RMP64: variants seen among roughly 807,000 people sequenced by gnomAD.
RMP64 encodes ribonuclease MRP subunit p64.
the RMP64 span, among the ~76,000 whole-genome samples, chr3:113,017,793 A>G: frequency 6.6e-6 from 1 of 152,250 alleles, no homozygotes; most frequent in Non-Finnish European, 1.5e-5. Flanking sequence ...CAGATGATAT[A>G]AAGTCCAGGA....
the RMP64 span, among the ~76,000 whole-genome samples, chr3:113,007,667 TATAG>T: frequency 4.8e-3 from 711 of 147,754 alleles, 5 homozygotes; most frequent in African/African-American, 0.018. Context: ...AGAAAAGAAA[TATAG>T]ATAGAGTCCA....
At chr3:113,003,616 A>G in the RMP64 span, 1 of 152,246 alleles carries the variant, frequency 6.6e-6, no homozygotes, top group Non-Finnish European at 1.5e-5. Flanking sequence ...AGATACTCCA[A>G]AAGAACATGA....
chr3:113,016,456 A>G, the RMP64 span, among the ~76,000 whole-genome samples: 1 of 152,096 alleles, frequency 6.6e-6, no homozygotes, highest in African/African-American at 2.4e-5. Context: ...GAGAGACTAG[A>G]GAATGCCAAA....
At chr3:113,019,290 A>ATCAG in the RMP64 span, 61 of 533,412 alleles carry the variant, frequency 1.1e-4, no homozygotes, top group Non-Finnish European at 1.9e-4. Flanking sequence ...CGCACGGCTG[A>ATCAG]GCCTTGGTCT....
At chr3:113,011,177 T>C in the RMP64 span, 1 of 1,613,478 alleles carries the variant, frequency 6.2e-7, no homozygotes, top group Non-Finnish European at 8.5e-7. Flanking sequence ...TGCTCATTTA[T>C]TAAAAACAGT....
chr3:113,007,438 T>G, the RMP64 span, among the ~76,000 whole-genome samples: 1 of 152,184 alleles, frequency 6.6e-6, no homozygotes. Flanking sequence ...TAAGAAATTA[T>G]GGGGCATGCA....
the RMP64 span, among the ~76,000 whole-genome samples, chr3:113,006,759 C>T: frequency 1.3e-5 from 2 of 152,130 alleles, no homozygotes; most frequent in African/African-American, 4.8e-5. Flanking sequence ...TCTTATCTCA[C>T]TATAAGCAGT....
the RMP64 span, chr3:113,008,778 T>A: frequency 4.9e-6 from 1 of 206,022 alleles, no homozygotes; most frequent in Non-Finnish European, 1.0e-5. Context: ...TTGTTCCCCC[T>A]CTGTACCAGG....
chr3:113,008,121 A>G, the RMP64 span: 9 of 1,552,628 alleles, frequency 5.8e-6, no homozygotes, highest in Admixed American at 1.7e-5. Context: ...ACTTTTACTC[A>G]TAACAACAAC....
chr3:113,010,573 G>T, the RMP64 span: 1 of 1,229,776 alleles, frequency 8.1e-7, no homozygotes, highest in Non-Finnish European at 1.2e-6. Context: ...TTCAATCTCT[G>T]CCCTTGGTAA....
the RMP64 span, chr3:113,006,070 A>G: frequency 9.0e-7 from 1 of 1,106,934 alleles, no homozygotes; most frequent in Non-Finnish European, 1.3e-6. Context: ...AGCACTTTTA[A>G]TTTACCAACT....
chr3:113,008,147 A>G, the RMP64 span: 76 of 1,597,970 alleles, frequency 4.8e-5, no homozygotes, highest in Admixed American at 4.1e-4. Flanking sequence ...AAGTAAAGTA[A>G]CATAATTTTT....
the RMP64 span, chr3:113,010,695 G>A: frequency 6.2e-7 from 1 of 1,613,138 alleles, no homozygotes; most frequent in South Asian, 1.1e-5. Context: ...ATCAAATTCT[G>A]ATGACTCTTC....
At chr3:113,016,437 C>G in the RMP64 span, among the ~76,000 whole-genome samples, 1 of 91,158 alleles carries the variant, frequency 1.1e-5, no homozygotes, top group Non-Finnish European at 3.4e-5. Flanking sequence ...GGGAGAGCTA[C>G]GTAAGAGAGA....
the RMP64 span, chr3:113,003,675 T>G: frequency 6.6e-6 from 1 of 152,106 alleles, no homozygotes; most frequent in South Asian, 2.1e-4. Context: ...CATGCTATAT[T>G]GTCCTTAACT....
At chr3:113,009,740 C>T in the RMP64 span, among the ~76,000 whole-genome samples, 2 of 152,138 alleles carry the variant, frequency 1.3e-5, no homozygotes, top group Non-Finnish European at 2.9e-5. Context: ...AGCATGCCCA[C>T]CTCACAGAGC....
chr3:113,005,598 T>C, the RMP64 span: 7 of 1,613,882 alleles, frequency 4.3e-6, no homozygotes, highest in Non-Finnish European at 5.9e-6. Context: ...GTTCCTGATG[T>C]ACTGTTTTTA....
chr3:113,019,667 G>T, the RMP64 span: 1 of 1,600,582 alleles, frequency 6.2e-7, no homozygotes, highest in Non-Finnish European at 8.5e-7. Flanking sequence ...GGGGACTTAC[G>T]AAAGGCGGAG....
the RMP64 span, chr3:113,005,242 T>C: frequency 0.013 from 5,033 of 375,708 alleles, 342 homozygotes; most frequent in East Asian, 0.17. Context: ...ATTCAGTTTT[T>C]CAGAGACTTA....
Sources: allele counts gnomAD v4.1 joint callset (sites outside exome capture counted in the v4.1 genomes callset), GRCh38; gene constraint gnomAD v4.1.1; transcripts MANE v1.5; gene names NCBI Gene and HGNC (gene_info 2026-07-23, HGNC 2026-07-21).